Variants in ESR1 observed in about 807,000 individuals in gnomAD.
ESR1 encodes the protein estrogen receptor.
ESR1 carries 12 observed loss-of-function variants against 52.7 expected under a neutral mutation model. That is an observed-to-expected ratio of 0.23 (90% confidence interval 0.15 to 0.37). The LOEUF (loss-of-function observed/expected upper bound fraction) is 0.37. ESR1 is among the 10% of genes least tolerant of loss of function. The pLI is 1.00. For synonymous variants in ESR1, 305 were observed against 316.8 expected (o/e 0.96, Z 0.39); for missense variants, 584 against 779.7 (o/e 0.75, Z 2.99).
At chr6:151,776,027 G>A (rs1044040516) in intron 2 of ESR1, among the ~76,000 whole-genome samples, 1 of 152,204 alleles carries the variant, frequency 6.6e-6, no homozygotes, top group Admixed American at 6.5e-5. Flanking sequence ...CCTGAAAGGA[G>A]GCAGAGAGAA....
At chr6:151,991,323 G>A (rs1200549492) in intron 4 of ESR1, among the ~76,000 whole-genome samples, 1 of 152,000 alleles carries the variant, frequency 6.6e-6, no homozygotes, top group Admixed American at 6.6e-5. Context: ...GTAGAATTTG[G>A]TTTCGCATTT....
At chr6:151,992,155 A>T (rs2223922) in intron 4 of ESR1, among the ~76,000 whole-genome samples, 19,831 of 152,130 alleles carry the variant, frequency 0.13, 1,315 homozygotes, top group South Asian at 0.19. Context: ...ATGTATTGTG[A>T]TAATATATAA....
chr6:151,943,199 C>T lies in ESR1; in HGVS notation c.761-974C>T, dbSNP rs999552153. Among the ~76,000 whole-genome samples the T allele has an allele frequency of 4.0e-5, 6 of 151,736 alleles. No homozygotes were observed. In the East Asian group the frequency reaches 7.8e-4, roughly 20 times the overall value. On this transcript the variant is annotated intron_variant, in intron 3 of 7. Coordinates refer to ENST00000206249, the MANE Select transcript of ESR1 (RefSeq NM_000125.4). ...ATCGAGACCATCCTGGCTAACACGGCGAAACCCCGTCTCTACTAAAAATAC... is the reference window on the plus strand; with the variant it reads ...ATCGAGACCATCCTGGCTAACACGGTGAAACCCCGTCTCTACTAAAAATAC...
chr6:151,882,250 G>A lies in ESR1; in HGVS notation c.760+1479G>A, dbSNP rs574537776. ...TTCATAGTCCCGGGGTCATAAATAC[G>A]CCAGACAGGTTGAGGTTTGGAATGC... On this transcript the variant is annotated intron_variant, in intron 3 of 7. Transcript: ENST00000206249. Among the ~76,000 whole-genome samples the A allele has an allele frequency of 1.1e-4, 16 of 152,250 alleles. No homozygotes were observed. The South Asian group carries it at 2.9e-3, about 28-fold the overall frequency.
At chr6:151,882,253 A>G (rs4365941) in intron 3 of ESR1, among the ~76,000 whole-genome samples, 147,528 of 152,268 alleles carry the variant, frequency 0.97, 71,501 homozygotes, top group East Asian at 1. Context: ...TAAATACGCC[A>G]GACAGGTTGA....
intron 2 of ESR1, among the ~76,000 whole-genome samples, chr6:151,715,761 C>A (rs1780984073): frequency 6.6e-6 from 1 of 152,074 alleles, no homozygotes; most frequent in Admixed American, 6.5e-5. Flanking sequence ...TCTTAGCTTC[C>A]TTGCCTTGGG....
upstream of ESR1, among the ~76,000 whole-genome samples, chr6:151,806,557 T>TATATATATATACACAC (rs1554259008): frequency 1.5e-5 from 2 of 133,788 alleles, no homozygotes; most frequent in African/African-American, 5.6e-5. Context: ...TATATATATA[T>TATATATATATACACAC]ACACATATAT....
chr6:151,991,440 GAA>G lies in ESR1; in HGVS notation c.1097-20206_1097-20205del, dbSNP rs71556238. ...AATCTCACCTGCTAAGTGCTACAAG[GAA>G]AAAAAAAAATACATTTTGAGCCCTC... is the stretch of plus-strand genomic sequence containing the variant. On this transcript the variant is annotated intron_variant, in intron 4 of 7. Coordinates refer to ENST00000206249, the MANE Select transcript of ESR1 (RefSeq NM_000125.4). Among the ~76,000 whole-genome samples the G allele has an allele frequency of 7.6e-5, 11 of 145,320 alleles. No individual in the cohort carries two copies. In the South Asian group the frequency reaches 1.9e-3, roughly 26 times the overall value.
At chr6:152,097,143 CTCTT>C (rs900232745) in intron 7 of ESR1, among the ~76,000 whole-genome samples, 6 of 151,896 alleles carry the variant, frequency 4.0e-5, no homozygotes, top group African/African-American at 7.3e-5. Flanking sequence ...CTCTCTCTCT[CTCTT>C]TCTCTCTCTC....
intron 2 of ESR1, among the ~76,000 whole-genome samples, chr6:151,782,423 T>G (rs1283478966): frequency 2.0e-5 from 3 of 152,226 alleles, no homozygotes. Flanking sequence ...AAGATTTATT[T>G]AACCCTTTCC....
chr6:152,030,797 A>G (rs1225836881), intron 5 of ESR1, among the ~76,000 whole-genome samples: 2 of 152,228 alleles, frequency 1.3e-5, no homozygotes, highest in African/African-American at 2.4e-5. Flanking sequence ...CCTAATAGAC[A>G]TCTACAGAAC....
chr6:151,867,853 T>G (rs902233778), intron 2 of ESR1, among the ~76,000 whole-genome samples: 4 of 152,222 alleles, frequency 2.6e-5, no homozygotes, highest in African/African-American at 9.7e-5. Context: ...CAGGGATGAC[T>G]GAATTCGTGT....
chr6:151,722,951 T>TA (rs1349969681), intron 2 of ESR1, among the ~76,000 whole-genome samples: 5 of 152,192 alleles, frequency 3.3e-5, no homozygotes, highest in African/African-American at 7.2e-5. Context: ...TCAATGTATA[T>TA]AAAAGCAGGA....
At chr6:151,883,230 C>T (rs530601804) in intron 3 of ESR1, among the ~76,000 whole-genome samples, 195 of 151,960 alleles carry the variant, frequency 1.3e-3, no homozygotes, top group African/African-American at 4.4e-3. Flanking sequence ...GGCGATTCTC[C>T]TGCTTCAACT....
intron 3 of ESR1, among the ~76,000 whole-genome samples, chr6:151,917,694 C>T (rs773613319): frequency 3.3e-5 from 5 of 152,168 alleles, no homozygotes; most frequent in Non-Finnish European, 5.9e-5. Flanking sequence ...ATTCTTGATG[C>T]TCCCTGCCTG....
chr6:151,934,561 G>T (rs563732272), intron 3 of ESR1, among the ~76,000 whole-genome samples: 3 of 152,268 alleles, frequency 2.0e-5, no homozygotes, highest in Middle Eastern at 3.4e-3. Context: ...ACCAGTTGTA[G>T]TACCTTTAAA....
At chr6:151,813,582 A>G (rs1255503160) in intron 1 of ESR1, 1 of 152,224 alleles carries the variant, frequency 6.6e-6, no homozygotes, top group Non-Finnish European at 1.5e-5. Context: ...TAATATTAGA[A>G]ACTTATTAAG....
chr6:152,095,136 G>C (rs2050506192), intron 7 of ESR1, among the ~76,000 whole-genome samples: 1 of 152,126 alleles, frequency 6.6e-6, no homozygotes, highest in Non-Finnish European at 1.5e-5. Flanking sequence ...ATCCTTTCTA[G>C]ATCATTCTCC....
chr6:151,957,188 A>G (rs1051677766), intron 4 of ESR1, among the ~76,000 whole-genome samples: 2 of 152,024 alleles, frequency 1.3e-5, no homozygotes, highest in Admixed American at 1.3e-4. Flanking sequence ...ACATGTCTGT[A>G]TATTACAGCC....
Sources: allele counts gnomAD v4.1 joint callset (sites outside exome capture counted in the v4.1 genomes callset), GRCh38; gene constraint gnomAD v4.1.1; transcripts MANE v1.5; gene names NCBI Gene and HGNC (gene_info 2026-07-23, HGNC 2026-07-21).